PCDHA9: variants seen among roughly 807,000 people sequenced by gnomAD.
PCDHA9 encodes protocadherin alpha 9.
Under a neutral mutation model 62.0 loss-of-function variants are expected in PCDHA9, and 62 were observed. The observed-to-expected ratio is 1.00, with a 90% CI of 0.81 to 1.23. PCDHA9 has a LOEUF of 1.23. Ranked by LOEUF, PCDHA9 falls within the 50% of genes most tolerant of loss-of-function variation. The pLI is 0.00. For synonymous variants in PCDHA9, 557 were observed against 567.6 expected, an observed-to-expected ratio of 0.98 and a Z score of 0.27; for missense variants, 1,205 against 1,249.8, an observed-to-expected ratio of 0.96 and a Z score of 0.54.
intron 1 of PCDHA9, chr5:140,883,616 G>C: frequency 6.2e-7 from 1 of 1,614,014 alleles, no homozygotes; most frequent in Non-Finnish European, 8.5e-7. Flanking sequence ...CGACGTGAAC[G>C]ACAACGCGCC....
chr5:140,926,464 A>C (rs1445781673), intron 1 of PCDHA9: 1 of 159,892 alleles, frequency 6.3e-6, no homozygotes, highest in Non-Finnish European at 1.4e-5. Flanking sequence ...TGTCCTAGAA[A>C]ACACCGTTTA....
chr5:140,850,962 G>A lies in PCDHA9; in HGVS notation c.2394+73G>A, dbSNP rs2150504046. On this transcript the variant is annotated intron_variant, in intron 1 of 3. Coordinates refer to ENST00000532602, the MANE Select transcript of PCDHA9 (RefSeq NM_031857.2). Reference sequence around the variant, plus strand: ...AAGATATTATCGATTACTCCCAGGGGCCGTTCAAATAGTTTTATTCATTTT... The same window carrying A: ...AAGATATTATCGATTACTCCCAGGGACCGTTCAAATAGTTTTATTCATTTT... 3.4e-6 allele frequency: 5 copies of A among 1,475,076 alleles called. No homozygotes were observed. In the African/African-American group the frequency reaches 7.1e-5, roughly 21 times the overall value. The allele number at this position is 1,475,076 out of a possible 1,614,324, so 91.4% of individuals were successfully genotyped here. A position where few individuals can be genotyped will look rare whatever the true frequency, so the allele number is the denominator to read the frequency against.
intron 1 of PCDHA9, chr5:140,966,895 G>T: frequency 6.3e-7 from 1 of 1,596,682 alleles, no homozygotes. Flanking sequence ...CGGCCTCCCA[G>T]CTGCGATACT....
intron 1 of PCDHA9, among the ~76,000 whole-genome samples, chr5:140,930,783 A>G (rs1211509868): frequency 6.6e-6 from 1 of 152,246 alleles, no homozygotes; most frequent in Non-Finnish European, 1.5e-5. Context: ...TATTTTCACA[A>G]TATAATAGAA....
rs144442346 is a variant in PCDHA9 at position 140,929,817 on chromosome 5, G to A, written c.2395-49132G>A. 1,292 of 158,464 alleles carry A rather than the reference G, an allele frequency of 8.2e-3. 7 individuals are homozygous for A. Among genetic ancestry groups the A allele is most frequent in the African/African-American group, 0.019 (796 of 41,644 alleles). 9.8% of individuals were successfully genotyped at this position (158,464 alleles called of 1,614,324 possible). On this transcript the variant is annotated intron_variant, in intron 1 of 3. Coordinates refer to ENST00000532602, the MANE Select transcript of PCDHA9 (RefSeq NM_031857.2). The stretch of plus-strand genomic sequence containing the variant: ...ATGGGGGTTAAAAGAAGGGAGAAAG[G>A]GAACATAAGAGAACATTTGAGTGAG...
chr5:140,857,144 A>G, intron 1 of PCDHA9: 1 of 1,598,350 alleles, frequency 6.3e-7, no homozygotes, highest in Non-Finnish European at 8.6e-7. Context: ...TCAAGTGGGC[A>G]CCGTCATTGC....
rs2040774319 is a variant in PCDHA9, at chr5:140,849,085, G to A, written c.590G>A (p.Arg197Gln). Residue 197 changes from arginine to glutamine, a missense_variant, in exon 1 of 4, where the codon CGG (arginine) becomes CAG (glutamine). Around this residue, in one of 3 missense-constraint regions of PCDHA9, gnomAD observed 110 missense variants for 227.2 expected, o/e 0.48. Transcript: ENST00000532602. ...GTAAAACCTCTTGGACTTGTATTAC[G>A]GAAACTTTTAGACAGAGAAGAAACT... ...QQVKPLGLVL[R>Q]KLLDREETPE... The A allele has an allele frequency of 1.3e-6, 2 of 1,513,328 alleles. No homozygotes were observed. The highest frequency in any genetic ancestry group is 2.3e-5 in the South Asian group (2 of 86,934). 93.7% of individuals were successfully genotyped at this position (1,513,328 alleles called of 1,614,324 possible).
chr5:140,848,788 G>T lies in PCDHA9; in HGVS notation c.293G>T (p.Arg98Leu). 1 of 1,593,178 alleles carries T rather than the reference G, an allele frequency of 6.3e-7. No individual in the cohort carries two copies. The highest frequency in any genetic ancestry group is 8.6e-7 in the Non-Finnish European group (1 of 1,163,964). ...SRIDREELCG[R>L]SAECSIHLEV... ...ATCGACCGCGAGGAGCTGTGCGGGC[G>T]GAGCGCGGAGTGCAGCATCCACCTG... The change falls in exon 1 of 4, where the codon CGG becomes CTG. Residue 98 changes from arginine (R) to leucine (L), a missense_variant. By Grantham distance (102) the Arg-to-Leu change is moderately radical (BLOSUM62 -2). Transcript: ENST00000532602.
chr5:140,855,025 A>G (rs2043311699), intron 1 of PCDHA9, among the ~76,000 whole-genome samples: 1 of 149,914 alleles, frequency 6.7e-6, no homozygotes. Context: ...AACTTCTTGT[A>G]TAAAGGATTT....
intron 3 of PCDHA9, among the ~76,000 whole-genome samples, chr5:140,993,295 C>G (rs553867145): frequency 3.3e-5 from 5 of 152,090 alleles, no homozygotes; most frequent in African/African-American, 9.7e-5. Flanking sequence ...GGGTCACAAC[C>G]TTGCCTCCAG....
chr5:140,883,946 G>A, intron 1 of PCDHA9: 5 of 1,613,392 alleles, frequency 3.1e-6, no homozygotes, highest in Middle Eastern at 1.7e-4. Context: ...GGACGAGAAC[G>A]ACAACGCTCC....
chr5:140,882,331 C>T, intron 1 of PCDHA9: 3 of 1,614,214 alleles, frequency 1.9e-6, no homozygotes, highest in South Asian at 2.2e-5. Flanking sequence ...TTCTGATCCT[C>T]GCAGCCTGGG....
At position 140,850,402 on chromosome 5, in the gene PCDHA9, C is replaced by T. The variant is rs2150482432; in HGVS notation, c.1907C>T (p.Ala636Val). The change falls in exon 1 of 4, where the codon GCC becomes GTC. Residue 636 changes from alanine (A) to valine (V), a missense_variant. Physicochemically the swap from Ala to Val is moderately conservative, Grantham distance 64. This residue lies in a region of PCDHA9 where 887 missense variants were observed against 809.5 expected (regional missense o/e 1.10). Coordinates refer to ENST00000532602, the MANE Select transcript of PCDHA9 (RefSeq NM_031857.2). ...ACGGGCGAGATCAGCACAACGCGTG[C>T]CCTGGACGAAACGGACGCACCGCGC... ...LYTGEISTTR[A>V]LDETDAPRQR... 60 of 1,597,956 alleles carry T rather than the reference C, an allele frequency of 3.8e-5. 2 individuals carry two copies. The East Asian group carries it at 1.1e-3, about 30-fold the overall frequency.
chr5:140,868,468 TA>T (rs2050485574), intron 1 of PCDHA9: 1 of 152,446 alleles, frequency 6.6e-6, no homozygotes, highest in Non-Finnish European at 1.5e-5. Flanking sequence ...GCTGCTTTTA[TA>T]AAACTTCAAT....
intron 1 of PCDHA9, among the ~76,000 whole-genome samples, chr5:140,939,246 C>G (rs536477969): frequency 6.6e-5 from 10 of 152,230 alleles, no homozygotes; most frequent in African/African-American, 2.2e-4. Context: ...AGCAAGGTAG[C>G]TCTCTGGAAC....
chr5:140,875,573 C>A, intron 1 of PCDHA9: 1 of 1,614,112 alleles, frequency 6.2e-7, no homozygotes, highest in Non-Finnish European at 8.5e-7. Context: ...CTCCACTACT[C>A]CGTCTACGAG....
In PCDHA9 at chr5:140,863,213, A is replaced by C. The variant is rs1554157955; in HGVS notation, c.2394+12324A>C. 2.9e-6 allele frequency: 3 copies of C among 1,051,332 alleles called. No individual in the cohort carries two copies. The South Asian group carries it at 3.7e-5, about 13-fold the overall frequency. The allele number at this position is 1,051,332 out of a possible 1,614,324, so 65.1% of individuals were successfully genotyped here. On this transcript the variant is annotated intron_variant, in intron 1 of 3. Transcript: ENST00000532602. ...GTGGCGTCGCTGGCGGAGAGCAGCC[A>C]AGCGAGGAAGGTCCCATCGCGGGCT... is the stretch of plus-strand genomic sequence containing the variant.
At chr5:140,958,241 AT>A (rs2095415572) in intron 1 of PCDHA9, among the ~76,000 whole-genome samples, 1 of 152,118 alleles carries the variant, frequency 6.6e-6, no homozygotes, top group Non-Finnish European at 1.5e-5. Flanking sequence ...GTTTTTAACA[AT>A]TCTGAACAAA....
At chr5:140,874,401 A>G (rs2054889687) in intron 1 of PCDHA9, among the ~76,000 whole-genome samples, 1 of 152,218 alleles carries the variant, frequency 6.6e-6, no homozygotes, top group African/African-American at 2.4e-5. Context: ...CTTGCATAAC[A>G]GTCACCATTC....
Sources: allele counts gnomAD v4.1 joint callset (sites outside exome capture counted in the v4.1 genomes callset), GRCh38; gene constraint gnomAD v4.1.1; regional missense constraint gnomAD v4.1.1; transcripts MANE v1.5; gene names NCBI Gene and HGNC (gene_info 2026-07-23, HGNC 2026-07-21).